FNDC3B: variants seen among roughly 807,000 people sequenced by gnomAD.
FNDC3B encodes the protein fibronectin type III domain-containing protein 3B.
Under a neutral mutation model 151.5 loss-of-function variants are expected in FNDC3B, and 12 were observed. The observed-to-expected ratio is 0.08, with a 90% CI of 0.05 to 0.13. FNDC3B has a LOEUF of 0.13. Ranked by LOEUF, FNDC3B falls within the 10% of genes least tolerant of loss-of-function variation. The pLI is 1.00. For synonymous variants in FNDC3B, 528 were observed against 549.0 expected, an observed-to-expected ratio of 0.96 and a Z score of 0.54; for missense variants, 1,214 against 1,505.3, an observed-to-expected ratio of 0.81 and a Z score of 3.20.
At chr3:172,122,532 T>C (rs1394172734) in intron 2 of FNDC3B, among the ~76,000 whole-genome samples, 12 of 152,264 alleles carry the variant, frequency 7.9e-5, no homozygotes, top group Non-Finnish European at 2.9e-5. Context: ...ATTATGCATG[T>C]GCTGCTTTAG....
chr3:172,211,534 G>A lies in FNDC3B; in HGVS notation c.188-15337G>A, dbSNP rs147164991. Reference sequence around the variant, plus strand: ...GGTAGATTGTTAGAAGGACCCAAGGGGAATGGTTGGAAGGCATGTCATAGA... The same window carrying A: ...GGTAGATTGTTAGAAGGACCCAAGGAGAATGGTTGGAAGGCATGTCATAGA... On this transcript the variant is annotated intron_variant, in intron 3 of 25. Transcript: ENST00000415807. Among the ~76,000 whole-genome samples the A allele has an allele frequency of 3.5e-3, 534 of 152,296 alleles. 3 individuals carry two copies. The highest frequency in any genetic ancestry group is 0.012 in the African/African-American group (507 of 41,560).
Position 172,070,070 on chromosome 3 carries a change from C to T in FNDC3B, c.-29+30299C>T, listed in dbSNP as rs553473536. ...ATTCCAGTCTCTGAATTCCAGGTCC[C>T]CTGCTCCCTTTTCTTTCCAGGGCAT... On this transcript the variant is annotated intron_variant, in intron 1 of 25. Transcript: ENST00000415807. 5.9e-5 allele frequency among the ~76,000 whole-genome samples: 9 copies of T among 152,286 alleles called. No homozygotes were observed. In the South Asian group the frequency reaches 1.5e-3, roughly 25 times the overall value.
chr3:172,362,445 A>C (rs563413130), intron 22 of FNDC3B, among the ~76,000 whole-genome samples, 188 bp from the exon 23 acceptor site: 1 of 151,974 alleles, frequency 6.6e-6, no homozygotes. Flanking sequence ...TTTTAAATGG[A>C]GACTATAGTC....
intron 2 of FNDC3B, among the ~76,000 whole-genome samples, chr3:172,126,153 G>T (rs1443334164): frequency 6.6e-6 from 1 of 151,898 alleles, no homozygotes; most frequent in African/African-American, 2.4e-5. Flanking sequence ...CCCAGATGGA[G>T]TTTCAACTTG....
chr3:172,100,135 A>G (rs1719312624), intron 1 of FNDC3B, among the ~76,000 whole-genome samples: 1 of 152,238 alleles, frequency 6.6e-6, no homozygotes, highest in South Asian at 2.1e-4. Context: ...CTGAAATTTA[A>G]AAAGATTTTT....
intron 23 of FNDC3B, among the ~76,000 whole-genome samples, chr3:172,372,465 A>G (rs1228446769): frequency 6.6e-6 from 1 of 152,218 alleles, no homozygotes; most frequent in African/African-American, 2.4e-5. Context: ...AGGAACCGCT[A>G]TATATACATT....
intron 1 of FNDC3B, among the ~76,000 whole-genome samples, chr3:172,055,880 A>G (rs1163703046): frequency 6.6e-6 from 1 of 151,064 alleles, no homozygotes; most frequent in Admixed American, 6.6e-5. Flanking sequence ...TCCAGGGTTC[A>G]CTCCATTCTC....
At position 172,174,675 on chromosome 3, in the gene FNDC3B, CAG is replaced by C. The variant is rs199582232; in HGVS notation, c.187+41130_187+41131del. On this transcript the variant is annotated intron_variant, in intron 3 of 25. Coordinates refer to ENST00000415807, the MANE Select transcript of FNDC3B (RefSeq NM_022763.4). Reference sequence around the variant, plus strand: ...AATCGACCTCATCAAGACAAACAAACAGGGGCCTTATACAGATTGGGAGGGCG... The same window carrying C: ...AATCGACCTCATCAAGACAAACAAACGGGCCTTATACAGATTGGGAGGGCG... Among the ~76,000 whole-genome samples, 1,170 of 152,182 alleles carry C rather than the reference CAG, an allele frequency of 7.7e-3. 13 individuals carry two copies. The highest frequency in any genetic ancestry group is 0.025 in the African/African-American group (1,023 of 41,528).
intron 1 of FNDC3B, among the ~76,000 whole-genome samples, chr3:172,081,971 A>G (rs1307551554): frequency 1.3e-5 from 2 of 152,192 alleles, no homozygotes; most frequent in Non-Finnish European, 2.9e-5. Context: ...CTTGAAGCAC[A>G]TTTATTTTCT....
chr3:172,289,706 G>C (rs975712538), intron 7 of FNDC3B, among the ~76,000 whole-genome samples: 1 of 152,200 alleles, frequency 6.6e-6, no homozygotes, highest in Non-Finnish European at 1.5e-5. Context: ...GCTGTAGCTG[G>C]GTTCTGGCCG....
intron 3 of FNDC3B, among the ~76,000 whole-genome samples, chr3:172,187,472 T>A (rs1053465560): frequency 6.6e-6 from 1 of 152,186 alleles, no homozygotes; most frequent in Non-Finnish European, 1.5e-5. Flanking sequence ...ACTGGAGGAA[T>A]GATTGAATGT....
intron 1 of FNDC3B, among the ~76,000 whole-genome samples, chr3:172,059,769 A>G (rs188636502): frequency 1.2e-4 from 18 of 152,336 alleles, no homozygotes; most frequent in African/African-American, 4.3e-4. Flanking sequence ...AACTTTTAGC[A>G]TAATGATACT....
At chr3:172,199,299 C>T (rs1052866437) in intron 3 of FNDC3B, among the ~76,000 whole-genome samples, 3 of 151,910 alleles carry the variant, frequency 2.0e-5, no homozygotes, top group Non-Finnish European at 4.4e-5. Flanking sequence ...CCTGCCTCAG[C>T]CTCCCGAGTA....
chr3:172,125,387 T>G (rs189961420), intron 2 of FNDC3B, among the ~76,000 whole-genome samples: 25 of 152,200 alleles, frequency 1.6e-4, no homozygotes, highest in Middle Eastern at 3.4e-3. Context: ...TTCTTGAGAT[T>G]GGCAGTAGGA....
At position 172,248,662 on chromosome 3, in the gene FNDC3B, T is replaced by C. The variant is rs144313147; in HGVS notation, c.508+886T>C. 5.4e-5 allele frequency among the ~76,000 whole-genome samples: 8 copies of C among 149,226 alleles called. No homozygotes were observed. In the East Asian group the frequency reaches 1.6e-3, roughly 29 times the overall value. On this transcript the variant is annotated intron_variant, in intron 5 of 25. Transcript: ENST00000415807. ...TTATACCATAGAATGTTTGAGCAAG[T>C]TATCACTTTTAAGAATTATATATAT...
intron 1 of FNDC3B, among the ~76,000 whole-genome samples, chr3:172,071,994 C>T (rs1357302373): frequency 6.6e-6 from 1 of 151,552 alleles, no homozygotes; most frequent in Non-Finnish European, 1.5e-5. Context: ...GAGTACTGGC[C>T]CTTAACAACT....
At chr3:172,202,775 G>A (rs1341846117) in intron 3 of FNDC3B, among the ~76,000 whole-genome samples, 1 of 152,204 alleles carries the variant, frequency 6.6e-6, no homozygotes, top group Non-Finnish European at 1.5e-5. Context: ...CCCTGGAAGA[G>A]ATTGCCTGAA....
intron 1 of FNDC3B, among the ~76,000 whole-genome samples, chr3:172,084,651 C>T (rs1718460852): frequency 1.3e-5 from 2 of 152,290 alleles, no homozygotes; most frequent in South Asian, 4.1e-4. Context: ...GCAACAGTAT[C>T]TTTATTTTAT....
At chr3:172,108,125 G>A (rs1031186804) in intron 1 of FNDC3B, among the ~76,000 whole-genome samples, 8 of 151,736 alleles carry the variant, frequency 5.3e-5, no homozygotes, top group Admixed American at 1.3e-4. Context: ...CTGAGATCAC[G>A]CCACTGCACT....
Sources: allele counts gnomAD v4.1 joint callset (sites outside exome capture counted in the v4.1 genomes callset), GRCh38; gene constraint gnomAD v4.1.1; transcripts MANE v1.5; gene names NCBI Gene and HGNC (gene_info 2026-07-23, HGNC 2026-07-21).